The following SYNDIG1 variants were observed in gnomAD, a reference collection of about 807,000 sequenced individuals.
SYNDIG1 encodes the protein synapse differentiation inducing 1.
In SYNDIG1, 9 loss-of-function variants were observed where a neutral mutation model predicts 19.4. The ratio of observed to expected loss-of-function variants is 0.46; its 90% CI spans 0.28 to 0.81. The LOEUF (loss-of-function observed/expected upper bound fraction) is 0.81. Ranked by LOEUF, SYNDIG1 falls within the 30% of genes least tolerant of loss-of-function variation. The pLI is 0.12. For synonymous variants in SYNDIG1, 141 were observed against 145.9 expected, an observed-to-expected ratio of 0.97 and a Z score of 0.24; for missense variants, 311 against 343.3, an observed-to-expected ratio of 0.91 and a Z score of 0.74.
chr20:24,535,105 T>C (rs1284820272), intron 1 of SYNDIG1, among the ~76,000 whole-genome samples: 2 of 152,238 alleles, frequency 1.3e-5, no homozygotes, highest in Non-Finnish European at 2.9e-5. Flanking sequence ...ACAGTGACTC[T>C]TTACCTGTTA....
chr20:24,635,420 A>G (rs1431404121), intron 3 of SYNDIG1, among the ~76,000 whole-genome samples: 1 of 152,204 alleles, frequency 6.6e-6, no homozygotes, highest in Non-Finnish European at 1.5e-5. Flanking sequence ...GTCATCTTGC[A>G]TAATTTCCCG....
At chr20:24,557,325 C>T (rs1375168553) in intron 2 of SYNDIG1, among the ~76,000 whole-genome samples, 3 of 152,230 alleles carry the variant, frequency 2.0e-5, no homozygotes, top group African/African-American at 7.2e-5. Flanking sequence ...ATTCTCCGTC[C>T]AGCTTTGTTC....
In SYNDIG1 at chr20:24,474,695, G is replaced by A. The variant is rs60856209; in HGVS notation, c.-79+4942G>A. The stretch of plus-strand genomic sequence containing the variant: ...TGAGTCTGAAGGAGAGAGTACTTGC[G>A]TGGATTTCAAACTGCGTCTTTCAAG... On this transcript the variant is annotated intron_variant, in intron 1 of 3. Transcript: ENST00000376862. Among the ~76,000 whole-genome samples the A allele has an allele frequency of 8.5e-3, 1,295 of 152,292 alleles. 19 individuals carry two copies. The highest frequency in any genetic ancestry group is 0.03 in the African/African-American group (1,234 of 41,554).
At position 24,658,223 on chromosome 20, in the gene SYNDIG1, G is replaced by C. The variant is rs1314495864; in HGVS notation, c.619-7123G>C. ...GCTCATTGGAAACTCCATGAAGAGC[G>C]AAGAGAAATGGCAGCCTGTGGGTCC... On this transcript the variant is annotated intron_variant, in intron 3 of 3. Transcript: ENST00000376862. The surrounding 1 kb of genome is among the most constrained non-coding windows in gnomAD (Gnocchi z 4.4). Among the ~76,000 whole-genome samples, 1 of 152,170 alleles carries C rather than the reference G, an allele frequency of 6.6e-6. No homozygotes were observed. The highest frequency in any genetic ancestry group is 1.5e-5 in the Non-Finnish European group (1 of 68,028).
rs944477470 is a variant in SYNDIG1 at position 24,665,564 on chromosome 20, A to G, written c.*60A>G. 1 of 1,606,040 alleles carries G rather than the reference A, an allele frequency of 6.2e-7. No individual in the cohort carries two copies. The highest frequency in any genetic ancestry group is 8.5e-7 in the Non-Finnish European group (1 of 1,177,008). On this transcript the variant is annotated 3_prime_UTR_variant, in exon 4 of 4. Transcript: ENST00000376862. ...AGGTCTGTGTGGACGTGGAGGAAGC[A>G]GGCATACCGCATGATGCTGTACAGT...
intron 1 of SYNDIG1, among the ~76,000 whole-genome samples, chr20:24,496,139 C>G (rs1330727883): frequency 6.6e-6 from 1 of 152,212 alleles, no homozygotes; most frequent in Non-Finnish European, 1.5e-5. Flanking sequence ...GCCACCAAGC[C>G]TGGCCATATT....
intron 1 of SYNDIG1, among the ~76,000 whole-genome samples, chr20:24,538,343 G>T (rs2057402158): frequency 6.6e-6 from 1 of 152,060 alleles, no homozygotes; most frequent in Non-Finnish European, 1.5e-5. Flanking sequence ...CATATTGATG[G>T]AATCATACAG....
intron 2 of SYNDIG1, among the ~76,000 whole-genome samples, chr20:24,575,255 G>A (rs2146964478): frequency 6.6e-6 from 1 of 152,314 alleles, no homozygotes; most frequent in East Asian, 1.9e-4. Flanking sequence ...GATGTGCTAG[G>A]AGCTAAGACC....
intron 3 of SYNDIG1, among the ~76,000 whole-genome samples, chr20:24,613,855 A>T (rs2058886354): frequency 6.6e-6 from 1 of 152,196 alleles, no homozygotes; most frequent in Admixed American, 6.5e-5. Context: ...ACAGAAGAGG[A>T]TGGTAATCTA....
At chr20:24,613,802 G>A (rs190206072) in intron 3 of SYNDIG1, among the ~76,000 whole-genome samples, 1 of 152,316 alleles carries the variant, frequency 6.6e-6, no homozygotes, top group African/African-American at 2.4e-5. Flanking sequence ...GGCATAAATG[G>A]CATAAATGGG....
intron 3 of SYNDIG1, among the ~76,000 whole-genome samples, chr20:24,657,428 G>A (rs950113961): frequency 1.3e-5 from 2 of 152,152 alleles, no homozygotes; most frequent in African/African-American, 4.8e-5. Flanking sequence ...GAGGCGGAGG[G>A]GATCGGCGCC....
intron 2 of SYNDIG1, among the ~76,000 whole-genome samples, chr20:24,551,047 CTCTT>C (rs1222844482): frequency 6.6e-6 from 1 of 152,194 alleles, no homozygotes; most frequent in African/African-American, 2.4e-5. Flanking sequence ...AATTATTTCT[CTCTT>C]TATTTTCTGA....
At chr20:24,647,167 TAGA>T (rs1342425257) in intron 3 of SYNDIG1, among the ~76,000 whole-genome samples, 1 of 152,128 alleles carries the variant, frequency 6.6e-6, no homozygotes, top group Non-Finnish European at 1.5e-5. Flanking sequence ...AGCACTTCAT[TAGA>T]AGGTCTAAGT....
At chr20:24,571,562 A>C (rs1383108844) in intron 2 of SYNDIG1, among the ~76,000 whole-genome samples, 1 of 152,202 alleles carries the variant, frequency 6.6e-6, no homozygotes, top group Non-Finnish European at 1.5e-5. Flanking sequence ...TATTATATGA[A>C]GTCATGTTTA....
intron 1 of SYNDIG1, among the ~76,000 whole-genome samples, chr20:24,534,154 C>T (rs2057316094): frequency 1.3e-5 from 2 of 152,186 alleles, no homozygotes; most frequent in South Asian, 4.1e-4. Context: ...CCCGGCCCCA[C>T]CTCCAACACT....
At chr20:24,586,779 G>A (rs1484725654) in intron 3 of SYNDIG1, among the ~76,000 whole-genome samples, 1 of 152,214 alleles carries the variant, frequency 6.6e-6, no homozygotes, top group Non-Finnish European at 1.5e-5. Flanking sequence ...CTGGATAGAT[G>A]GCAAGGGGCC....
intron 2 of SYNDIG1, among the ~76,000 whole-genome samples, chr20:24,565,325 T>G (rs941748829): frequency 6.6e-6 from 1 of 152,196 alleles, no homozygotes; most frequent in African/African-American, 2.4e-5. Context: ...CCTATAACCT[T>G]ACATAAGACA....
At chr20:24,661,563 G>A (rs2059602842) in intron 3 of SYNDIG1, among the ~76,000 whole-genome samples, 1 of 89,404 alleles carries the variant, frequency 1.1e-5, no homozygotes, top group Non-Finnish European at 2.4e-5. Context: ...AAAAAAGAGA[G>A]GAAGGAGGGA....
intron 3 of SYNDIG1, among the ~76,000 whole-genome samples, chr20:24,628,244 G>A (rs548592292): frequency 3.3e-5 from 5 of 152,294 alleles, no homozygotes; most frequent in African/African-American, 7.2e-5. Flanking sequence ...CAGAGCCTGC[G>A]TGCCGTTAAG....
Sources: gnomAD v4.1 joint callset for allele counts (sites outside exome capture counted in the v4.1 genomes callset) on GRCh38, gnomAD v4.1.1 for gene constraint, Gnocchi (gnomAD v3.1) non-coding constraint, MANE v1.5 for transcripts, NCBI Gene and HGNC (gene_info 2026-07-23, HGNC 2026-07-21) for gene names.